Variants in RPS6KA2 observed in about 807,000 individuals in gnomAD.
RPS6KA2 encodes ribosomal protein S6 kinase alpha-2.
RPS6KA2 carries 42 observed loss-of-function variants against 91.8 expected under a neutral mutation model. The ratio of observed to expected loss-of-function variants is 0.46; its 90% CI spans 0.36 to 0.59. The LOEUF (loss-of-function observed/expected upper bound fraction) is 0.59, where lower values mean the gene tolerates loss of function less well. RPS6KA2 is among the 20% of genes least tolerant of loss of function. The probability of loss-of-function intolerance (pLI) is 0.00; values close to 1 mark genes in which losing one functional copy is unlikely to be tolerated. For missense variants in RPS6KA2, 798 were observed against 978.5 expected, an observed-to-expected ratio of 0.82 and a Z score of 2.46; for synonymous variants, 414 against 393.6, an observed-to-expected ratio of 1.05 and a Z score of -0.61.
At chr6:166,749,820 G>A (rs1204734080) in intron 2 of RPS6KA2, among the ~76,000 whole-genome samples, 1 of 134,320 alleles carries the variant, frequency 7.4e-6, no homozygotes, top group Non-Finnish European at 1.6e-5. Context: ...TGCACTGCCT[G>A]GCTGGGAGCT....
chr6:166,439,349 C>A (rs2128449748), intron 14 of RPS6KA2, among the ~76,000 whole-genome samples: 1 of 152,346 alleles, frequency 6.6e-6, no homozygotes, highest in East Asian at 1.9e-4. Flanking sequence ...CTCAGGTGAT[C>A]CAACTGCCTT....
At chr6:166,592,209 T>C (rs922306998) in intron 1 of RPS6KA2, among the ~76,000 whole-genome samples, 1 of 152,180 alleles carries the variant, frequency 6.6e-6, no homozygotes. Flanking sequence ...GCGAGGGTCA[T>C]GGAGAAATCA....
intron 17 of RPS6KA2, among the ~76,000 whole-genome samples, chr6:166,421,752 A>G (rs1285236621): frequency 6.6e-6 from 1 of 152,092 alleles, no homozygotes; most frequent in Non-Finnish European, 1.5e-5. Flanking sequence ...TTCTCTTGTT[A>G]ATCTGTCTTT....
At chr6:166,550,873 C>G (rs527876456) in intron 1 of RPS6KA2, among the ~76,000 whole-genome samples, 2 of 151,460 alleles carry the variant, frequency 1.3e-5, no homozygotes, top group African/African-American at 4.9e-5. Context: ...TGGTGGCGGG[C>G]GCCTGTAGTC....
chr6:166,728,392 G>A (rs548180126), intron 2 of RPS6KA2, among the ~76,000 whole-genome samples: 1 of 152,282 alleles, frequency 6.6e-6, no homozygotes, highest in African/African-American at 2.4e-5. Context: ...GAGCTTCCAG[G>A]GTAAGAAACT....
chr6:166,608,575 C>G (rs762923433), intron 1 of RPS6KA2, among the ~76,000 whole-genome samples: 1 of 152,106 alleles, frequency 6.6e-6, no homozygotes, highest in African/African-American at 2.4e-5. Flanking sequence ...GAAAACATAA[C>G]AAGTTGATTA....
chr6:166,418,385 C>T lies in RPS6KA2; in HGVS notation c.1821-43G>A, dbSNP rs1332944915. 1.4e-6 allele frequency: 2 copies of T among 1,460,404 alleles called. No individual in the cohort carries two copies. The highest frequency in any genetic ancestry group is 1.9e-6 in the Non-Finnish European group (2 of 1,043,034). The allele number at this position is 1,460,404 out of a possible 1,614,324, so 90.5% of individuals were successfully genotyped here. ...TTTGTGGTAATGAGCTTGTATTTTA[C>T]AACCTAAAATAAAGTTTGCAAGTTG... On this transcript the variant is annotated intron_variant, in intron 18 of 20. Transcript: ENST00000265678. The surrounding 1 kb of genome is among the most constrained non-coding windows in gnomAD (Gnocchi z 4.9).
chr6:166,469,810 G>A (rs1187961778), intron 11 of RPS6KA2, 31 bp downstream of exon 11: 1 of 1,591,120 alleles, frequency 6.3e-7, no homozygotes, highest in African/African-American at 1.3e-5. Context: ...TGTCACGCGT[G>A]TGCAGGTGGG....
intron 2 of RPS6KA2, among the ~76,000 whole-genome samples, chr6:166,814,468 C>A (rs147557891): frequency 7.9e-5 from 12 of 152,226 alleles, no homozygotes; most frequent in African/African-American, 2.4e-4. Flanking sequence ...AGTACCAGCC[C>A]GTGGCCTGTT....
upstream of RPS6KA2, chr6:166,862,727 T>TCC (rs1203837266): frequency 7.8e-6 from 1 of 127,846 alleles, no homozygotes; most frequent in Non-Finnish European, 1.6e-5. Flanking sequence ...GGCAGGTCTT[T>TCC]CCCCCCCACC....
At chr6:166,683,629 A>T (rs1250328437) in intron 2 of RPS6KA2, among the ~76,000 whole-genome samples, 14 of 152,358 alleles carry the variant, frequency 9.2e-5, no homozygotes, top group Non-Finnish European at 5.9e-5. Flanking sequence ...CCTTTTCCCA[A>T]CGTGCTTCCC....
chr6:166,623,419 G>A (rs1223559597), intron 1 of RPS6KA2, among the ~76,000 whole-genome samples: 1 of 152,230 alleles, frequency 6.6e-6, no homozygotes, highest in Admixed American at 6.5e-5. Flanking sequence ...GTTCTGCTAA[G>A]TTAGGACGGT....
chr6:166,425,615 G>C (rs1778883937), intron 16 of RPS6KA2, among the ~76,000 whole-genome samples: 1 of 151,892 alleles, frequency 6.6e-6, no homozygotes, highest in Non-Finnish European at 1.5e-5. Flanking sequence ...GATCTACCAA[G>C]CAAATGGAAA....
Position 166,557,194 on chromosome 6 carries a change from C to T in RPS6KA2, c.100-18410G>A, listed in dbSNP as rs1784201971. 6.6e-6 allele frequency among the ~76,000 whole-genome samples: 1 copy of T among 152,268 alleles called. No homozygotes were observed. ...AAGTTCCTCCCTGATCTACGGCAGG[C>T]AGTTCCCACCCAGCCAACAGGCAGA... On this transcript the variant is annotated intron_variant, in intron 1 of 20. Transcript: ENST00000265678. This position sits in a 1 kb window ranked among gnomAD's most constrained non-coding sequence, Gnocchi z 4.8.
At chr6:166,675,255 C>T (rs1788585019) in intron 2 of RPS6KA2, among the ~76,000 whole-genome samples, 1 of 152,196 alleles carries the variant, frequency 6.6e-6, no homozygotes, top group South Asian at 2.1e-4. Context: ...ATATCATCTT[C>T]ATGCCTGGGA....
At chr6:166,756,924 A>G (rs900078344) in intron 2 of RPS6KA2, among the ~76,000 whole-genome samples, 2 of 152,216 alleles carry the variant, frequency 1.3e-5, no homozygotes, top group South Asian at 2.1e-4. Flanking sequence ...GGAGTGTTTA[A>G]TGGGAACAGA....
chr6:166,458,107 C>G (rs904252733), intron 12 of RPS6KA2, among the ~76,000 whole-genome samples: 1 of 152,154 alleles, frequency 6.6e-6, no homozygotes, highest in African/African-American at 2.4e-5. Context: ...GGCCCTACCC[C>G]CAAGTGTAAC....
intron 2 of RPS6KA2, among the ~76,000 whole-genome samples, chr6:166,660,417 T>C (rs1788133093): frequency 6.6e-6 from 1 of 150,602 alleles, no homozygotes; most frequent in Non-Finnish European, 1.5e-5. Context: ...TGTGTGTGTG[T>C]GTGTGAGAGA....
intron 2 of RPS6KA2, among the ~76,000 whole-genome samples, chr6:166,795,005 T>A (rs941914887): frequency 2.0e-5 from 3 of 151,258 alleles, no homozygotes; most frequent in Non-Finnish European, 3.0e-5. Flanking sequence ...ATAATAACAA[T>A]AAAATAAAAA....
Sources: gnomAD v4.1 joint callset for allele counts (sites outside exome capture counted in the v4.1 genomes callset) on GRCh38, gnomAD v4.1.1 for gene constraint, Gnocchi (gnomAD v3.1) non-coding constraint, MANE v1.5 for transcripts, NCBI Gene and HGNC (gene_info 2026-07-23, HGNC 2026-07-21) for gene names.